The following QSER1 variants were observed in gnomAD, a reference collection of about 807,000 sequenced individuals.
QSER1 encodes the protein glutamine and serine rich 1.
In QSER1, 49 loss-of-function variants were observed where a neutral mutation model predicts 158.5. The observed-to-expected ratio is 0.31, with a 90% CI of 0.25 to 0.39. The LOEUF is 0.39. Among genes scored for constraint, QSER1 ranks in the 10% least tolerant of loss-of-function variants. The pLI is 1.00. For synonymous variants in QSER1, 650 were observed against 715.5 expected, an observed-to-expected ratio of 0.91 and a Z score of 1.46; for missense variants, 1,754 against 2,010.3, an observed-to-expected ratio of 0.87 and a Z score of 2.44.
intron 8 of QSER1, among the ~76,000 whole-genome samples, chr11:32,958,934 A>G (rs937709006): frequency 2.0e-5 from 3 of 152,206 alleles, no homozygotes; most frequent in Admixed American, 6.5e-5. Context: ...TCTTGATCTT[A>G]GAACCATTTT....
At chr11:32,939,896 A>G (rs568989728) in intron 4 of QSER1, among the ~76,000 whole-genome samples, 55 of 150,582 alleles carry the variant, frequency 3.7e-4, no homozygotes, top group African/African-American at 1.3e-3. Context: ...TTTTCCCTAC[A>G]CTGTCCAGAT....
At chr11:32,942,200 GT>G (rs1451923716) in intron 4 of QSER1, among the ~76,000 whole-genome samples, 1 of 126,598 alleles carries the variant, frequency 7.9e-6, no homozygotes, top group African/African-American at 3.0e-5. Flanking sequence ...CACTGTGATG[GT>G]AGTTTCTTTT....
intron 1 of QSER1, chr11:32,926,821 G>A (rs1164385234): frequency 6.6e-6 from 1 of 152,106 alleles, no homozygotes; most frequent in African/African-American, 2.4e-5. Flanking sequence ...AAATTACACT[G>A]TAAGCCAGAA....
chr11:32,969,098 C>G lies in QSER1; in HGVS notation c.5160C>G (p.Asn1720Lys). ...MKKIDGMLND[N>K]RKRLLLNLHL... ...AAATAGATGGCATGCTAAATGATAA[C>G]CGAAAGAGACTTCTTTTGAATCTTC... Residue 1720 changes from asparagine (N) to lysine (K), a missense_variant, in exon 10 of 13, where the codon AAC becomes AAG. This residue lies in a region of QSER1 where 1,707 missense variants were observed against 1,919.6 expected (regional missense o/e 0.89). Coordinates refer to ENST00000650167, the MANE Select transcript of QSER1 (RefSeq NM_001076786.3). The G allele has an allele frequency of 6.3e-7, 1 of 1,597,998 alleles. No individual in the cohort carries two copies. The highest frequency in any genetic ancestry group is 8.5e-7 in the Non-Finnish European group (1 of 1,173,202).
At chr11:32,918,800 C>T (rs183778503) in intron 1 of QSER1, among the ~76,000 whole-genome samples, 1 of 152,168 alleles carries the variant, frequency 6.6e-6, no homozygotes, top group East Asian at 1.9e-4. Context: ...CCCCCAAAAA[C>T]CCCTGATATT....
intron 8 of QSER1, 128 bp downstream of exon 8, chr11:32,958,214 T>C (rs535777727): frequency 1.3e-6 from 1 of 793,800 alleles, no homozygotes; most frequent in African/African-American, 1.7e-5. Flanking sequence ...AAATTCTGTT[T>C]AGGTTTTTAT....
rs531026563 is a variant in QSER1, at chr11:32,965,164, T to G, written c.4970-1136T>G. ...CTTTACTCTGTTTCCCATGCTTGAG[T>G]GCAGTGGCGCAGTCACAGTTCTCTG... On this transcript the variant is annotated intron_variant, in intron 8 of 12. Coordinates refer to ENST00000650167, the MANE Select transcript of QSER1 (RefSeq NM_001076786.3). Among the ~76,000 whole-genome samples the G allele has an allele frequency of 2.6e-5, 4 of 152,246 alleles. No homozygotes were observed. The East Asian group carries it at 7.7e-4, about 29-fold the overall frequency.
rs1852950635 is a variant in QSER1, at chr11:32,975,183, T to TC, written c.5359-63dup. On this transcript the variant is annotated intron_variant, in intron 11 of 12. Coordinates refer to ENST00000650167, the MANE Select transcript of QSER1 (RefSeq NM_001076786.3). ...CATTGAGACTTTTGATCTAGTATTT[T>TC]CCTCAAAGTGTTCTTAGCTCAGATA... 2.6e-6 allele frequency: 3 copies of TC among 1,155,608 alleles called. No homozygotes were observed. The Admixed American group carries it at 7.8e-5, about 30-fold the overall frequency. The allele number at this position is 1,155,608 out of a possible 1,614,324, so 71.6% of individuals were successfully genotyped here.
chr11:32,914,299 A>G (rs1043629352), intron 1 of QSER1, among the ~76,000 whole-genome samples: 1 of 152,218 alleles, frequency 6.6e-6, no homozygotes, highest in African/African-American at 2.4e-5. Context: ...GTCTTGTAGC[A>G]TTTATTTGCA....
Position 32,954,047 on chromosome 11 carries a change from G to C in QSER1, c.4368G>C (p.Gln1456His), listed in dbSNP as rs1243999717. The C allele has an allele frequency of 6.2e-7, 1 of 1,614,018 alleles. No homozygotes were observed. The highest frequency in any genetic ancestry group is 8.5e-7 in the Non-Finnish European group (1 of 1,180,042). Residue 1456 changes from glutamine to histidine, a missense_variant, in exon 5 of 13, where the codon CAG (glutamine) becomes CAC (histidine). This residue lies in a region of QSER1 where 1,707 missense variants were observed against 1,919.6 expected (regional missense o/e 0.89). Coordinates refer to ENST00000650167, the MANE Select transcript of QSER1 (RefSeq NM_001076786.3). The stretch of plus-strand genomic sequence containing the variant: ...AACTTGATGGTCTTCCTTCAGACCA[G>C]TTTGCAAAAGGACAGGACACTGTTG... ...PIELDGLPSD[Q>H]FAKGQDTVAI...
Position 32,953,971 on chromosome 11 carries a change from C to T in QSER1, c.4292C>T (p.Ala1431Val). 1 of 1,614,114 alleles carries T rather than the reference C, an allele frequency of 6.2e-7. No individual in the cohort carries two copies. The highest frequency in any genetic ancestry group is 1.3e-5 in the African/African-American group (1 of 75,044). Reference protein sequence around the residue: ...KQEPLHSTSYAVNILENISSS... With the variant: ...KQEPLHSTSYVVNILENISSS... ...GAACCTCTCCACTCTACTTCATATG[C>T]AGTAAATATTCTGGAAAATATAAGC... Residue 1431 changes from alanine (A) to valine (V), a missense_variant, in exon 5 of 13, where the codon GCA (alanine) becomes GTA (valine). Physicochemically the swap from Ala to Val is moderately conservative, Grantham distance 64. This residue lies in a region of QSER1 where 1,707 missense variants were observed against 1,919.6 expected (regional missense o/e 0.89). Transcript: ENST00000650167.
At chr11:32,951,362 G>A (rs1852418716) in intron 4 of QSER1, among the ~76,000 whole-genome samples, 1 of 152,136 alleles carries the variant, frequency 6.6e-6, no homozygotes. Context: ...ATTGAGAAAT[G>A]TCAGTCTGCC....
At position 32,928,377 on chromosome 11, in the gene QSER1, C is replaced by T. The variant is rs547677227; in HGVS notation, c.484+254C>T. 3.3e-5 allele frequency among the ~76,000 whole-genome samples: 5 copies of T among 152,190 alleles called. No individual in the cohort carries two copies. The South Asian group carries it at 1.0e-3, about 32-fold the overall frequency. ...GGTAGATAATGATTAAAGAAGGTCT[C>T]ATATAAGGTTTATATCTAGCAATTA... On this transcript the variant is annotated intron_variant, in intron 3 of 12. Coordinates refer to ENST00000650167, the MANE Select transcript of QSER1 (RefSeq NM_001076786.3).
At chr11:32,971,540 G>T (rs1852856577) in intron 10 of QSER1, among the ~76,000 whole-genome samples, 1 of 152,042 alleles carries the variant, frequency 6.6e-6, no homozygotes, top group South Asian at 2.1e-4. Context: ...AATTCTATTT[G>T]TTGCAAATAA....
At chr11:32,958,179 T>C in intron 8 of QSER1, 93 bp downstream of exon 8, 1 of 1,024,430 alleles carries the variant, frequency 9.8e-7, no homozygotes, top group South Asian at 1.6e-5. Flanking sequence ...ATGTATTTAC[T>C]TTTCAGGGAA....
chr11:32,932,609 G>A lies in QSER1; in HGVS notation c.1351G>A (p.Gly451Ser), dbSNP rs750648269. 1.2e-6 allele frequency: 2 copies of A among 1,613,912 alleles called. No homozygotes were observed. The highest frequency in any genetic ancestry group is 1.3e-5 in the African/African-American group (1 of 74,886). Residue 451 changes from glycine to serine, a missense_variant, in exon 4 of 13, where the codon GGC (glycine) becomes AGC (serine). Gly to Ser is a moderately conservative substitution (Grantham distance 56). Coordinates refer to ENST00000650167, the MANE Select transcript of QSER1 (RefSeq NM_001076786.3). ...ACATAATCAGAGTTCTGTAATATCG[G>A]GCCAAGCACAAATTTATTCTACAGC... ...PLHNQSSVISGQAQIYSTAQL... is the reference protein window; with the variant it reads ...PLHNQSSVISSQAQIYSTAQL...
intron 1 of QSER1, among the ~76,000 whole-genome samples, chr11:32,906,189 G>A (rs995440074): frequency 6.6e-6 from 1 of 150,954 alleles, no homozygotes. Context: ...TTGGGAGGCT[G>A]AGGCGGGTGG....
intron 10 of QSER1, 43 bp from the exon 11 acceptor site, chr11:32,973,354 A>G: frequency 1.2e-6 from 2 of 1,602,738 alleles, no homozygotes; most frequent in Non-Finnish European, 1.7e-6. Context: ...AGTTTAGGTT[A>G]GTTTTCTTCT....
chr11:32,927,569 G>A (rs1256784779), intron 2 of QSER1, among the ~76,000 whole-genome samples: 2 of 152,090 alleles, frequency 1.3e-5, no homozygotes, highest in Middle Eastern at 3.4e-3. Flanking sequence ...CACCATGCCC[G>A]GTTAATTTTT....
Sources: gnomAD v4.1 joint callset for allele counts (sites outside exome capture counted in the v4.1 genomes callset) on GRCh38, gnomAD v4.1.1 for gene constraint, gnomAD v4.1.1 regional missense constraint, MANE v1.5 for transcripts, NCBI Gene and HGNC (gene_info 2026-07-23, HGNC 2026-07-21) for gene names.